The following EMCN variants were observed in gnomAD, a reference collection of about 807,000 sequenced individuals.
EMCN encodes the protein MUC-14.
Under a neutral mutation model 38.4 loss-of-function variants are expected in EMCN, and 37 were observed. The ratio of observed to expected loss-of-function variants is 0.96; its 90% CI spans 0.74 to 1.27. The LOEUF is 1.27. EMCN is among the 50% of genes most tolerant of loss of function. The pLI is 0.00. For missense variants in EMCN, 318 were observed against 302.8 expected (o/e 1.05, Z -0.37); for synonymous variants, 95 against 100.8 (o/e 0.94, Z 0.35).
intron 5 of EMCN, among the ~76,000 whole-genome samples, chr4:100,434,213 C>T (rs1247559447): frequency 6.6e-6 from 1 of 152,016 alleles, no homozygotes; most frequent in South Asian, 2.1e-4. Flanking sequence ...CACAGAAATA[C>T]AAACAACCAT....
chr4:100,492,451 G>A (rs1560639032), intron 1 of EMCN, among the ~76,000 whole-genome samples: 1 of 151,976 alleles, frequency 6.6e-6, no homozygotes, highest in African/African-American at 2.4e-5. Context: ...TAAGAGAAAA[G>A]CAAAAGAGGA....
chr4:100,482,658 T>A (rs1728843456), intron 1 of EMCN, among the ~76,000 whole-genome samples: 1 of 151,950 alleles, frequency 6.6e-6, no homozygotes, highest in Non-Finnish European at 1.5e-5. Context: ...AGGCGAACTG[T>A]AGAGGACCAT....
chr4:100,419,923 T>A (rs1324656883), intron 8 of EMCN, among the ~76,000 whole-genome samples: 1 of 152,072 alleles, frequency 6.6e-6, no homozygotes, highest in Non-Finnish European at 1.5e-5. Context: ...AGCAGGTGGC[T>A]TTAGGGATAG....
At chr4:100,417,869 A>G (rs1280678659) in intron 8 of EMCN, among the ~76,000 whole-genome samples, 2 of 152,232 alleles carry the variant, frequency 1.3e-5, no homozygotes, top group Non-Finnish European at 2.9e-5. Context: ...ATGTGATTGC[A>G]TAAGGTTCCC....
chr4:100,473,368 TTTTTGTTTTTTTTTTTTG>T (rs1728538268), intron 3 of EMCN, among the ~76,000 whole-genome samples: 2 of 98,784 alleles, frequency 2.0e-5, no homozygotes, highest in African/African-American at 4.8e-5. Context: ...GTTTCGTGTT[TTTTTGTTTTTTTTTTTTG>T]TTTTTTTTTT....
chr4:100,484,443 G>T (rs1353248861), intron 1 of EMCN, among the ~76,000 whole-genome samples: 2 of 152,032 alleles, frequency 1.3e-5, no homozygotes, highest in Non-Finnish European at 2.9e-5. Flanking sequence ...AAAGGGACAG[G>T]GTCTTGCTAT....
chr4:100,436,174 GA>G (rs200200660), intron 5 of EMCN, among the ~76,000 whole-genome samples: 16 of 147,340 alleles, frequency 1.1e-4, no homozygotes, highest in African/African-American at 3.2e-4. Context: ...ACTTAAACAA[GA>G]AAAAAAAAAC....
chr4:100,462,049 CATT>C lies in EMCN; in HGVS notation c.376+3371_376+3373del, dbSNP rs549633673. 3.6e-4 allele frequency among the ~76,000 whole-genome samples: 55 copies of C among 152,216 alleles called. 2 individuals are homozygous for C. In the South Asian group the frequency reaches 0.011, roughly 29 times the overall value. On this transcript the variant is annotated intron_variant, in intron 4 of 11. Coordinates refer to ENST00000296420, the MANE Select transcript of EMCN (RefSeq NM_016242.4). ...TGGCAAATGGAAATGTGTGCAAACA[CATT>C]ATATCAAGTAGGGTCCATGTTGGGC...
intron 10 of EMCN, among the ~76,000 whole-genome samples, chr4:100,412,458 A>G (rs1455078532): frequency 6.6e-6 from 1 of 152,164 alleles, no homozygotes; most frequent in South Asian, 2.1e-4. Flanking sequence ...ATAGAGTCAT[A>G]TATTTCTAAT....
Position 100,429,659 on chromosome 4 carries a change from C to T in EMCN, c.416-6255G>A, listed in dbSNP as rs543545115. Among the ~76,000 whole-genome samples the T allele has an allele frequency of 5.9e-5, 9 of 152,164 alleles. No homozygotes were observed. In the South Asian group the frequency reaches 6.2e-4, roughly 11 times the overall value. On this transcript the variant is annotated intron_variant, in intron 5 of 11. Transcript: ENST00000296420. The stretch of plus-strand genomic sequence containing the variant: ...AATGGAATAACTGAATGGAGATTAA[C>T]GTACTTTAATTCTGTAGAAATATTT...
At chr4:100,485,045 TAAAG>T (rs1262562077) in intron 1 of EMCN, among the ~76,000 whole-genome samples, 3 of 152,112 alleles carry the variant, frequency 2.0e-5, no homozygotes, top group Non-Finnish European at 2.9e-5. Context: ...TTTAAACTCT[TAAAG>T]AAAATGATTT....
rs766105683 is a variant in EMCN at position 100,475,039 on chromosome 4, T to C, written c.258A>G (p.Glu86=). Residue 86 remains glutamate (E), a splice_region_variant and synonymous_variant, in exon 3 of 12, where the codon GAA becomes GAG. Transcript: ENST00000296420. ...STATFLTSKD[E]GLKATTTDVR... is the part of the protein sequence containing the mutation. ...GTAGAAAAATGAATCATTACTCACCTTCATCTTTACTTGTTAAAAAAGTAG... is the reference window on the plus strand; with the variant it reads ...GTAGAAAAATGAATCATTACTCACCCTCATCTTTACTTGTTAAAAAAGTAG... 6.7e-7 allele frequency: 1 copy of C among 1,490,612 alleles called. No homozygotes were observed. Among genetic ancestry groups the C allele is most frequent in the South Asian group, 1.4e-5 (1 of 73,970 alleles). 92.3% of individuals were successfully genotyped at this position (1,490,612 alleles called of 1,614,324 possible).
In EMCN at chr4:100,447,537, T is replaced by C. The variant is rs1391699564; in HGVS notation, c.411A>G (p.Ile137Met). 1.2e-6 allele frequency: 2 copies of C among 1,603,070 alleles called. No individual in the cohort carries two copies. The highest frequency in any genetic ancestry group is 8.5e-7 in the Non-Finnish European group (1 of 1,171,206). ...ETQSSIKTTE[I>M]PGSVLQPDAS... ...GACAGAGAAAAAAGAGCTTACCTGGTATTTCTGTTGTTTTAATTGAACTCT... is the reference window on the plus strand; with the variant it reads ...GACAGAGAAAAAAGAGCTTACCTGGCATTTCTGTTGTTTTAATTGAACTCT... Residue 137 changes from isoleucine (I) to methionine (M), a missense_variant, in exon 5 of 12, where the codon ATA becomes ATG. Coordinates refer to ENST00000296420, the MANE Select transcript of EMCN (RefSeq NM_016242.4).
intron 5 of EMCN, 147 bp downstream of exon 5, chr4:100,447,386 C>T (rs1030971756): frequency 1.6e-6 from 1 of 620,654 alleles, no homozygotes; most frequent in Admixed American, 3.0e-5. Flanking sequence ...TTTTTAAACT[C>T]AAGTTTTTCT....
chr4:100,452,115 A>G (rs938689377), intron 4 of EMCN, among the ~76,000 whole-genome samples: 3 of 152,024 alleles, frequency 2.0e-5, no homozygotes, highest in Non-Finnish European at 4.4e-5. Flanking sequence ...GAAGGGTATG[A>G]TGCCTTGAAG....
Position 100,417,097 on chromosome 4 carries a change from G to T in EMCN, c.689+20C>A. 1.2e-6 allele frequency: 2 copies of T among 1,612,566 alleles called. No homozygotes were observed. Among genetic ancestry groups the T allele is most frequent in the Non-Finnish European group, 1.7e-6 (2 of 1,178,786 alleles). On this transcript the variant is annotated intron_variant, in intron 9 of 11. Coordinates refer to ENST00000296420, the MANE Select transcript of EMCN (RefSeq NM_016242.4). ...CGTAAATGGTAGGGTCTAAACAAAA[G>T]ATGATATGGGCTTACTTACTGATCA...
At chr4:100,447,994 C>T (rs1727725782) in intron 4 of EMCN, among the ~76,000 whole-genome samples, 1 of 151,838 alleles carries the variant, frequency 6.6e-6, no homozygotes, top group African/African-American at 2.4e-5. Context: ...TACCCTCACA[C>T]TTTGAATATC....
At chr4:100,498,788 T>G (rs2110298666) in intron 1 of EMCN, among the ~76,000 whole-genome samples, 1 of 152,348 alleles carries the variant, frequency 6.6e-6, no homozygotes, top group Non-Finnish European at 1.5e-5. Context: ...TTAATGAATC[T>G]TTTTCATTCA....
chr4:100,423,662 T>C (rs1250797058), intron 5 of EMCN, among the ~76,000 whole-genome samples: 1 of 152,160 alleles, frequency 6.6e-6, no homozygotes, highest in Non-Finnish European at 1.5e-5. Flanking sequence ...AGTAAGTTTT[T>C]TAGCGTAGAT....
Sources: allele counts gnomAD v4.1 joint callset (sites outside exome capture counted in the v4.1 genomes callset), GRCh38; gene constraint gnomAD v4.1.1; transcripts MANE v1.5; gene names NCBI Gene and HGNC (gene_info 2026-07-23, HGNC 2026-07-21).